MYO16: variants seen among roughly 807,000 people sequenced by gnomAD.
MYO16 encodes myosin XVI, also known as unconventional myosin-XVI.
A neutral mutation model predicts 205.3 loss-of-function variants in MYO16; 94 were observed. The observed-to-expected ratio is 0.46, with a 90% CI of 0.39 to 0.54. The LOEUF (loss-of-function observed/expected upper bound fraction) is 0.54. Ranked by LOEUF, MYO16 falls within the 20% of genes least tolerant of loss-of-function variation. The pLI, the probability that MYO16 is intolerant of heterozygous loss-of-function variation, is 0.00. For missense variants in MYO16, 2,315 were observed against 2,387.5 expected (o/e 0.97, Z 0.63); for synonymous variants, 988 against 954.0 (o/e 1.04, Z -0.66).
At chr13:108,748,943 CA>C (rs1389272777) in intron 4 of MYO16, among the ~76,000 whole-genome samples, 2 of 151,970 alleles carry the variant, frequency 1.3e-5, no homozygotes, top group African/African-American at 4.8e-5. Flanking sequence ...ATGCTAATAT[CA>C]AAATTGTAGC....
chr13:108,609,966 G>A (rs571258237), intron 1 of MYO16, among the ~76,000 whole-genome samples: 4 of 152,034 alleles, frequency 2.6e-5, no homozygotes, highest in African/African-American at 4.8e-5. Flanking sequence ...GGCCCAAAAG[G>A]AAATTGTCAG....
intron 1 of MYO16, among the ~76,000 whole-genome samples, chr13:108,624,389 A>G (rs796115148): frequency 6.6e-6 from 1 of 152,202 alleles, no homozygotes; most frequent in Non-Finnish European, 1.5e-5. Flanking sequence ...TGATTGAAGA[A>G]CAAGGCAAAG....
At position 108,785,623 on chromosome 13, in the gene MYO16, CT is replaced by C; in HGVS notation, c.508-7del. 1 of 1,547,716 alleles carries C rather than the reference CT, an allele frequency of 6.5e-7. No homozygotes were observed. The stretch of plus-strand genomic sequence containing the variant: ...AGTATATATGATGTTATATTTTTTT[CT>C]TTTTATCTAGGCTGGAGCCAATGTC... On this transcript the variant is annotated splice_polypyrimidine_tract_variant and intron_variant, in intron 4 of 34. Coordinates refer to ENST00000457511, the MANE Select transcript of MYO16 (RefSeq NM_001198950.3).
chr13:109,066,614 T>C lies in MYO16; in HGVS notation c.3335+11019T>C, dbSNP rs181285090. On this transcript the variant is annotated intron_variant, in intron 27 of 34. Coordinates refer to ENST00000457511, the MANE Select transcript of MYO16 (RefSeq NM_001198950.3). ...ATTATGGATCATAAGATTTCCCATA[T>C]TATTCTTCAAGGATCTGCACACTTT... Among the ~76,000 whole-genome samples the C allele has an allele frequency of 5.8e-4, 88 of 152,324 alleles. 2 individuals carry two copies. Among genetic ancestry groups the C allele is most frequent in the Admixed American group, 1.0e-3 (16 of 15,296 alleles).
At chr13:108,891,565 T>C (rs938704189) in intron 14 of MYO16, among the ~76,000 whole-genome samples, 10 of 152,218 alleles carry the variant, frequency 6.6e-5, no homozygotes, top group Non-Finnish European at 1.2e-4. Context: ...AAATAATGCA[T>C]GTACACATCA....
chr13:108,800,644 A>T (rs1431125125), intron 6 of MYO16, among the ~76,000 whole-genome samples: 4 of 152,206 alleles, frequency 2.6e-5, no homozygotes, highest in Non-Finnish European at 5.9e-5. Context: ...AAGACCTGAA[A>T]TTATTGGTCA....
At chr13:109,021,678 G>A (rs1184142078) in intron 23 of MYO16, among the ~76,000 whole-genome samples, 1 of 152,060 alleles carries the variant, frequency 6.6e-6, no homozygotes, top group East Asian at 1.9e-4. Flanking sequence ...CCTAGTATTT[G>A]GGAAGTTGTG....
chr13:108,820,568 G>C (rs545499663), intron 8 of MYO16, among the ~76,000 whole-genome samples, 156 bp downstream of exon 8: 10 of 152,150 alleles, frequency 6.6e-5, no homozygotes, highest in African/African-American at 2.4e-4. Flanking sequence ...ATTCATCATC[G>C]CCTATGTACG....
chr13:108,653,903 C>G (rs992174637), intron 1 of MYO16, among the ~76,000 whole-genome samples: 2 of 151,726 alleles, frequency 1.3e-5, no homozygotes, highest in African/African-American at 4.8e-5. Flanking sequence ...CAGAGAAAAC[C>G]CATAAGGGAG....
At chr13:108,726,934 GT>G (rs924878127) in intron 3 of MYO16, among the ~76,000 whole-genome samples, 8 of 151,326 alleles carry the variant, frequency 5.3e-5, no homozygotes, top group Non-Finnish European at 4.4e-5. Flanking sequence ...GCTGTGAAAC[GT>G]GACTAGGGTG....
chr13:108,918,729 C>T (rs1332999058), intron 16 of MYO16, among the ~76,000 whole-genome samples: 2 of 152,024 alleles, frequency 1.3e-5, no homozygotes, highest in African/African-American at 2.4e-5. Flanking sequence ...ACCAGAGGTC[C>T]GGAGTTCGAG....
chr13:108,879,883 G>A (rs577874161), intron 12 of MYO16, among the ~76,000 whole-genome samples: 17 of 152,264 alleles, frequency 1.1e-4, no homozygotes, highest in Non-Finnish European at 1.9e-4. Context: ...GCCCAGTAAT[G>A]GGATGGCTGG....
chr13:108,758,919 C>T (rs1380454249), intron 4 of MYO16, among the ~76,000 whole-genome samples: 1 of 152,178 alleles, frequency 6.6e-6, no homozygotes, highest in African/African-American at 2.4e-5. Context: ...GAATTCTTGA[C>T]ATCCTTATTT....
chr13:108,947,852 C>T (rs552581793), intron 16 of MYO16, among the ~76,000 whole-genome samples: 1 of 152,262 alleles, frequency 6.6e-6, no homozygotes, highest in South Asian at 2.1e-4. Flanking sequence ...GTCACAAGAC[C>T]CGAAGACTTT....
chr13:108,540,899 A>C, the MYO16 span, among the ~76,000 whole-genome samples: 4 of 152,316 alleles, frequency 2.6e-5, no homozygotes, highest in South Asian at 8.3e-4. Flanking sequence ...TCACAAATAT[A>C]TAGCAAAATT....
At chr13:108,841,524 A>G (rs1877243209) in intron 9 of MYO16, among the ~76,000 whole-genome samples, 1 of 152,228 alleles carries the variant, frequency 6.6e-6, no homozygotes, top group Non-Finnish European at 1.5e-5. Flanking sequence ...TAGATAAGTC[A>G]CAGAAGCACA....
chr13:108,985,576 G>T (rs1011490265), intron 20 of MYO16, among the ~76,000 whole-genome samples: 1 of 152,188 alleles, frequency 6.6e-6, no homozygotes, highest in Non-Finnish European at 1.5e-5. Context: ...GGCGGTCAGT[G>T]TATTTAACTT....
Position 108,883,263 on chromosome 13 carries a change from T to C in MYO16, c.1553+77T>C, listed in dbSNP as rs1879708399. On this transcript the variant is annotated intron_variant, in intron 13 of 34. Coordinates refer to ENST00000457511, the MANE Select transcript of MYO16 (RefSeq NM_001198950.3). ...GCAGTAAAGATGTACTCATTTCCTA[T>C]GGTTTACCTTTATTTACTTTCTCAG... The C allele has an allele frequency of 2.0e-6, 3 of 1,511,958 alleles. No homozygotes were observed. The African/African-American group carries it at 4.2e-5, about 21-fold the overall frequency. 93.7% of individuals were successfully genotyped at this position (1,511,958 alleles called of 1,614,324 possible).
intron 23 of MYO16, among the ~76,000 whole-genome samples, chr13:109,045,004 A>G (rs1886994850): frequency 6.6e-6 from 1 of 152,190 alleles, no homozygotes. Flanking sequence ...ACTTTCATGT[A>G]TATTACATCA....
Sources: allele counts gnomAD v4.1 joint callset (sites outside exome capture counted in the v4.1 genomes callset), GRCh38; gene constraint gnomAD v4.1.1; transcripts MANE v1.5; gene names NCBI Gene and HGNC (gene_info 2026-07-23, HGNC 2026-07-21).